Variants in DAB1 observed in about 807,000 individuals in gnomAD.
The protein encoded by DAB1 is DAB adaptor protein 1, also known as disabled homolog 1.
A neutral mutation model predicts 64.6 loss-of-function variants in DAB1; 15 were observed. That is an observed-to-expected ratio of 0.23 (90% CI 0.16 to 0.36). DAB1 has a LOEUF of 0.36. Among genes scored for constraint, DAB1 ranks in the 10% least tolerant of loss-of-function variants. The pLI, the probability that DAB1 is intolerant of heterozygous loss-of-function variation, is 1.00. For synonymous variants in DAB1, 235 were observed against 251.9 expected, an observed-to-expected ratio of 0.93 and a Z score of 0.64; for missense variants, 596 against 706.7, an observed-to-expected ratio of 0.84 and a Z score of 1.78.
chr1:57,752,047 G>A (rs1648579739), intron 6 of DAB1, among the ~76,000 whole-genome samples: 1 of 152,130 alleles, frequency 6.6e-6, no homozygotes, highest in Admixed American at 6.5e-5. Context: ...CCTCGGCCTG[G>A]TCACACTGCC....
At position 57,816,169 on chromosome 1, in the gene DAB1, T is replaced by C. The variant is rs574529212; in HGVS notation, n.551+67830A>G. ...CAGTGAGAAGTCCTTGTCTGCCAAA[T>C]GATGAAGATTTACACCACTACAGTA... On this transcript the variant is annotated intron_variant and non_coding_transcript_variant, in intron 6 of 20. Transcript: ENST00000485760. 2.0e-5 allele frequency among the ~76,000 whole-genome samples: 3 copies of C among 152,304 alleles called. No homozygotes were observed. In the South Asian group the frequency reaches 6.2e-4, roughly 32 times the overall value.
intron 1 of DAB1, among the ~76,000 whole-genome samples, chr1:57,406,377 C>G (rs545632538): frequency 6.6e-6 from 1 of 152,322 alleles, no homozygotes; most frequent in African/African-American, 2.4e-5. Context: ...TACTTAGCCA[C>G]CACATTATTA....
chr1:57,066,948 C>T (rs1650969006), intron 8 of DAB1, among the ~76,000 whole-genome samples: 1 of 152,040 alleles, frequency 6.6e-6, no homozygotes, highest in Admixed American at 6.6e-5. Context: ...ACTGGCTGGG[C>T]CAAGCTGAAG....
chr1:57,831,778 A>C (rs1225787655), intron 1 of DAB1, among the ~76,000 whole-genome samples: 1 of 152,058 alleles, frequency 6.6e-6, no homozygotes, highest in African/African-American at 2.4e-5. Context: ...CCTGGGCTCA[A>C]GTAATCCTTC....
chr1:57,900,244 T>C (rs1315791509), intron 5 of DAB1, among the ~76,000 whole-genome samples: 2 of 152,148 alleles, frequency 1.3e-5, no homozygotes, highest in Admixed American at 6.5e-5. Flanking sequence ...GGCACTGAGA[T>C]AGTGGAATGG....
chr1:57,908,813 C>T (rs917717023), intron 5 of DAB1, among the ~76,000 whole-genome samples: 3 of 152,156 alleles, frequency 2.0e-5, no homozygotes, highest in Non-Finnish European at 2.9e-5. Flanking sequence ...CAGCTGGCTG[C>T]AAATCATGGA....
At chr1:57,760,467 C>A (rs1649024408) in intron 6 of DAB1, among the ~76,000 whole-genome samples, 1 of 152,080 alleles carries the variant, frequency 6.6e-6, no homozygotes. Context: ...TGGCCCAGGT[C>A]TCTAAGAACA....
intron 4 of DAB1, among the ~76,000 whole-genome samples, chr1:58,268,157 GATA>G (rs1195679310): frequency 6.6e-6 from 1 of 152,042 alleles, no homozygotes; most frequent in Non-Finnish European, 1.5e-5. Context: ...TAAATTTGGT[GATA>G]ATATATATCT....
At chr1:58,154,883 G>A (rs1655136682) in intron 4 of DAB1, among the ~76,000 whole-genome samples, 1 of 152,210 alleles carries the variant, frequency 6.6e-6, no homozygotes, top group Non-Finnish European at 1.5e-5. Context: ...TATTAGCTAA[G>A]TAACTGAGAG....
chr1:57,500,219 A>G (rs1644275280), intron 7 of DAB1, among the ~76,000 whole-genome samples: 1 of 151,980 alleles, frequency 6.6e-6, no homozygotes, highest in Non-Finnish European at 1.5e-5. Flanking sequence ...GAGAAATGAG[A>G]AAAAAAGAGG....
intron 9 of DAB1, among the ~76,000 whole-genome samples, chr1:57,059,096 G>C (rs1047952053): frequency 6.6e-6 from 1 of 152,194 alleles, no homozygotes; most frequent in Non-Finnish European, 1.5e-5. Context: ...AGTGAGGAGT[G>C]TTTGCTAGAG....
intron 1 of DAB1, among the ~76,000 whole-genome samples, chr1:57,356,639 C>T (rs1862925): frequency 0.55 from 83,620 of 151,748 alleles, 24,171 homozygotes; most frequent in African/African-American, 0.68. Flanking sequence ...AGTATTGCAA[C>T]AAACTCCATT....
chr1:58,317,109 T>A (rs961928634), intron 4 of DAB1, among the ~76,000 whole-genome samples: 1 of 152,246 alleles, frequency 6.6e-6, no homozygotes, highest in African/African-American at 2.4e-5. Flanking sequence ...TACTCTTCCA[T>A]CTGTTCTGTC....
chr1:57,790,795 A>G (rs1650559245), intron 6 of DAB1, among the ~76,000 whole-genome samples: 1 of 152,202 alleles, frequency 6.6e-6, no homozygotes, highest in African/African-American at 2.4e-5. Flanking sequence ...GGCGAATAAC[A>G]TCATGTTTAT....
At chr1:57,732,892 T>A (rs1464299053) in intron 6 of DAB1, among the ~76,000 whole-genome samples, 2 of 152,174 alleles carry the variant, frequency 1.3e-5, no homozygotes, top group African/African-American at 2.4e-5. Flanking sequence ...AACCTATTCT[T>A]GGTTTAAGGC....
At chr1:58,198,998 T>C (rs1048837533) in intron 4 of DAB1, among the ~76,000 whole-genome samples, 2 of 152,096 alleles carry the variant, frequency 1.3e-5, no homozygotes, top group African/African-American at 4.8e-5. Context: ...TCACAGCTAC[T>C]GGGGAGGCTG....
At chr1:57,186,533 A>AT (rs563124217) in intron 2 of DAB1, among the ~76,000 whole-genome samples, 106 of 152,332 alleles carry the variant, frequency 7.0e-4, no homozygotes, top group African/African-American at 2.3e-3. Context: ...CATGGCTAAT[A>AT]ATAAGGCACA....
intron 7 of DAB1, among the ~76,000 whole-genome samples, chr1:57,541,490 C>T (rs552212614): frequency 6.6e-6 from 1 of 152,178 alleles, no homozygotes; most frequent in Non-Finnish European, 1.5e-5. Flanking sequence ...TTAAACATAT[C>T]TTTCTTCATA....
At chr1:57,441,897 C>A (rs1685973648) in intron 7 of DAB1, among the ~76,000 whole-genome samples, 1 of 152,160 alleles carries the variant, frequency 6.6e-6, no homozygotes, top group East Asian at 1.9e-4. Context: ...AACTTATATT[C>A]CCAATAGTGT....
Sources: gnomAD v4.1 joint callset for allele counts (sites outside exome capture counted in the v4.1 genomes callset) on GRCh38, gnomAD v4.1.1 for gene constraint, MANE v1.5 for transcripts, NCBI Gene and HGNC (gene_info 2026-07-23, HGNC 2026-07-21) for gene names.